Variants in ILDR1 observed in about 807,000 individuals in gnomAD.
ILDR1 encodes the protein immunoglobulin like domain containing receptor 1.
In ILDR1, 56 loss-of-function variants were observed where a neutral mutation model predicts 62.4. The ratio of observed to expected loss-of-function variants is 0.90; its 90% CI spans 0.72 to 1.12. The LOEUF is 1.12. Ranked by LOEUF, ILDR1 falls within the 50% of genes most tolerant of loss-of-function variation. The probability of loss-of-function intolerance (pLI) is 0.00; values close to 1 mark genes in which losing one functional copy is unlikely to be tolerated. For missense variants in ILDR1, 736 were observed against 710.6 expected (o/e 1.04, Z -0.41); for synonymous variants, 284 against 277.8 (o/e 1.02, Z -0.22).
chr3:122,033,579 G>A, the ILDR1 span, among the ~76,000 whole-genome samples: 1 of 151,754 alleles, frequency 6.6e-6, no homozygotes, highest in Non-Finnish European at 1.5e-5. Flanking sequence ...TATTCCCCAG[G>A]TCATGAAGAT....
chr3:122,024,755 C>T (rs1022451062), upstream of ILDR1, among the ~76,000 whole-genome samples: 23 of 152,178 alleles, frequency 1.5e-4, no homozygotes, highest in Non-Finnish European at 2.8e-4. Flanking sequence ...CTCAATGTTA[C>T]GATGCTGGTA....
At chr3:122,037,270 C>T in the ILDR1 span, among the ~76,000 whole-genome samples, 1 of 152,104 alleles carries the variant, frequency 6.6e-6, no homozygotes, top group African/African-American at 2.4e-5. Context: ...CAGCTCACAC[C>T]GTGTACCTGA....
chr3:122,061,072 G>A, the ILDR1 span, among the ~76,000 whole-genome samples: 3 of 152,278 alleles, frequency 2.0e-5, no homozygotes, highest in Non-Finnish European at 4.4e-5. Context: ...ATTATTAGGT[G>A]TCGAATCAGA....
intron 5 of ILDR1, 139 bp downstream of exon 5, chr3:122,001,169 T>A: frequency 1.0e-6 from 1 of 1,002,822 alleles, no homozygotes; most frequent in Non-Finnish European, 1.5e-6. Flanking sequence ...GGGCTGAGGC[T>A]AATGTCCTCT....
At chr3:121,991,800 C>G (rs1163627626) in intron 7 of ILDR1, among the ~76,000 whole-genome samples, 1 of 152,202 alleles carries the variant, frequency 6.6e-6, no homozygotes, top group Non-Finnish European at 1.5e-5. Context: ...GAGGCCTGCT[C>G]CTTTGCACAC....
upstream of ILDR1, among the ~76,000 whole-genome samples, chr3:122,025,538 T>G (rs1175156293): frequency 6.6e-6 from 1 of 152,232 alleles, no homozygotes; most frequent in Non-Finnish European, 1.5e-5. Context: ...GTGTGTTGAC[T>G]GAGCTAGGAT....
intron 1 of ILDR1, among the ~76,000 whole-genome samples, chr3:122,013,960 C>G (rs1489368566): frequency 1.3e-5 from 2 of 152,186 alleles, no homozygotes; most frequent in African/African-American, 2.4e-5. Context: ...GCTTTACTTT[C>G]TCTCAATTTC....
chr3:121,990,587 CTCTT>C (rs2107637956), intron 7 of ILDR1, among the ~76,000 whole-genome samples: 1 of 152,282 alleles, frequency 6.6e-6, no homozygotes, highest in South Asian at 2.1e-4. Flanking sequence ...AAATGATAAT[CTCTT>C]TCTCTCTTCC....
intron 5 of ILDR1, 121 bp downstream of exon 5, chr3:122,001,187 T>C (rs551149086): frequency 2.6e-6 from 3 of 1,152,368 alleles, no homozygotes; most frequent in Admixed American, 3.8e-5. Flanking sequence ...TCTGTCCCTA[T>C]GATGGGAGAA....
upstream of ILDR1, chr3:122,025,091 A>G (rs2071909087): frequency 6.6e-6 from 1 of 152,202 alleles, no homozygotes; most frequent in Admixed American, 6.5e-5. Flanking sequence ...ATAAAGTAAA[A>G]ATCACTTGAC....
the ILDR1 span, among the ~76,000 whole-genome samples, chr3:122,038,433 C>T: frequency 6.6e-6 from 1 of 152,174 alleles, no homozygotes; most frequent in Non-Finnish European, 1.5e-5. Context: ...ATGATACTAA[C>T]AACAAACTTC....
At chr3:122,036,730 T>A in the ILDR1 span, among the ~76,000 whole-genome samples, 1 of 152,246 alleles carries the variant, frequency 6.6e-6, no homozygotes, top group Non-Finnish European at 1.5e-5. Context: ...AGGAGCCGAA[T>A]GTTAATAACC....
the ILDR1 span, among the ~76,000 whole-genome samples, chr3:122,027,280 C>G: frequency 6.6e-6 from 1 of 152,286 alleles, no homozygotes; most frequent in African/African-American, 2.4e-5. Context: ...AACTCCACCT[C>G]CCAAGTTCAA....
intron 7 of ILDR1, among the ~76,000 whole-genome samples, chr3:121,989,546 G>A (rs2071307910): frequency 6.6e-6 from 1 of 152,238 alleles, no homozygotes; most frequent in Admixed American, 6.5e-5. Context: ...CCTTGAGAAT[G>A]TCTTAGGACA....
the ILDR1 span, among the ~76,000 whole-genome samples, chr3:122,055,098 C>T: frequency 1.4e-4 from 22 of 152,136 alleles, no homozygotes; most frequent in East Asian, 1.2e-3. Flanking sequence ...TTTGTTGCTG[C>T]GGAGGTTTGT....
chr3:122,031,225 T>C, the ILDR1 span, among the ~76,000 whole-genome samples: 2 of 152,364 alleles, frequency 1.3e-5, no homozygotes, highest in Admixed American at 1.3e-4. Flanking sequence ...TTAGTTTCTT[T>C]ATTTGTAGCA....
At chr3:122,041,250 G>A in the ILDR1 span, among the ~76,000 whole-genome samples, 1 of 152,170 alleles carries the variant, frequency 6.6e-6, no homozygotes, top group Admixed American at 6.5e-5. Context: ...TAGGTCATGA[G>A]GACTCCCTCC....
the ILDR1 span, among the ~76,000 whole-genome samples, chr3:122,050,474 T>G: frequency 6.6e-6 from 1 of 152,094 alleles, no homozygotes; most frequent in Non-Finnish European, 1.5e-5. Context: ...TAAAACAGCT[T>G]ATAGATATAA....
At chr3:122,019,385 G>GTA (rs2071825415) in intron 1 of ILDR1, among the ~76,000 whole-genome samples, 1 of 152,166 alleles carries the variant, frequency 6.6e-6, no homozygotes, top group African/African-American at 2.4e-5. Flanking sequence ...TTTATAAACT[G>GTA]TATATGTGTG....
Sources: gnomAD v4.1 joint callset for allele counts (sites outside exome capture counted in the v4.1 genomes callset) on GRCh38, gnomAD v4.1.1 for gene constraint, MANE v1.5 for transcripts, NCBI Gene and HGNC (gene_info 2026-07-23, HGNC 2026-07-21) for gene names.